Variants in GNAZ observed in about 807,000 individuals in gnomAD.
GNAZ encodes the protein G protein subunit alpha z.
Under a neutral mutation model 25.4 loss-of-function variants are expected in GNAZ, and 3 were observed. That is an observed-to-expected ratio of 0.12 (90% confidence interval 0.05 to 0.30). The LOEUF (loss-of-function observed/expected upper bound fraction) is 0.30. Ranked by LOEUF, GNAZ falls within the 10% of genes least tolerant of loss-of-function variation. The pLI, the probability that GNAZ is intolerant of heterozygous loss-of-function variation, is 1.00. For synonymous variants in GNAZ, 211 were observed against 205.7 expected (o/e 1.03, Z -0.22); for missense variants, 241 against 501.8 (o/e 0.48, Z 4.97).
intron 2 of GNAZ, among the ~76,000 whole-genome samples, chr22:23,101,518 T>TG (rs2069303310): frequency 6.6e-6 from 1 of 152,178 alleles, no homozygotes; most frequent in Non-Finnish European, 1.5e-5. Context: ...GCCTAGTCAG[T>TG]GGCAGGACCA....
intron 1 of GNAZ, among the ~76,000 whole-genome samples, chr22:23,093,305 G>A (rs1235339541): frequency 6.6e-6 from 1 of 152,160 alleles, no homozygotes; most frequent in African/African-American, 2.4e-5. Flanking sequence ...GTGGCTGCCT[G>A]GTGAAGCGGG....
At chr22:23,119,729 C>T (rs2069957229) in intron 2 of GNAZ, among the ~76,000 whole-genome samples, 1 of 152,224 alleles carries the variant, frequency 6.6e-6, no homozygotes. Flanking sequence ...GCTTCCCACG[C>T]TCTGAAGCTT....
chr22:23,111,020 C>T (rs905966803), intron 2 of GNAZ, among the ~76,000 whole-genome samples: 17 of 152,316 alleles, frequency 1.1e-4, no homozygotes, highest in Non-Finnish European at 2.2e-4. Flanking sequence ...AGAGCCACTT[C>T]GAATGAGGGG....
chr22:23,078,356 C>T (rs780426577), intron 1 of GNAZ, among the ~76,000 whole-genome samples: 39 of 152,338 alleles, frequency 2.6e-4, no homozygotes, highest in Non-Finnish European at 4.9e-4. Context: ...GATAACACCA[C>T]GCACGCAAGC....
At chr22:23,078,252 C>A (rs2068561783) in intron 1 of GNAZ, among the ~76,000 whole-genome samples, 1 of 152,242 alleles carries the variant, frequency 6.6e-6, no homozygotes, top group Non-Finnish European at 1.5e-5. Flanking sequence ...CTCCATTATC[C>A]AATTTCGGAT....
At chr22:23,112,761 G>A (rs967846591) in intron 2 of GNAZ, among the ~76,000 whole-genome samples, 4 of 152,118 alleles carry the variant, frequency 2.6e-5, no homozygotes, top group Non-Finnish European at 2.9e-5. Flanking sequence ...AGCCAGAGAC[G>A]GACACCAAGG....
At chr22:23,108,826 C>A (rs901106943) in intron 2 of GNAZ, among the ~76,000 whole-genome samples, 1 of 152,262 alleles carries the variant, frequency 6.6e-6, no homozygotes, top group African/African-American at 2.4e-5. Context: ...CCTCTGCCTG[C>A]TGGAGAGGTG....
chr22:23,076,430 C>T (rs762087592), intron 1 of GNAZ, among the ~76,000 whole-genome samples: 5 of 152,156 alleles, frequency 3.3e-5, no homozygotes, highest in East Asian at 1.9e-4. Context: ...TGTGCTCGTG[C>T]GCTGCAGAAC....
rs1223227824 is a variant in GNAZ at position 23,088,085 on chromosome 22, C to T, written c.-449-7162C>T. 2.0e-5 allele frequency among the ~76,000 whole-genome samples: 3 copies of T among 152,208 alleles called. No individual in the cohort carries two copies. In the East Asian group the frequency reaches 5.8e-4, roughly 29 times the overall value. ...TACACCCAGGAATGAACAAGGACAA[C>T]TTGGAAGTTAGAAGCAAGATGGAGT... On this transcript the variant is annotated intron_variant, in intron 1 of 2. Transcript: ENST00000615612.
chr22:23,123,275 C>A lies in GNAZ; in HGVS notation c.912C>A (p.Ile304=). 1 of 1,613,918 alleles carries A rather than the reference C, an allele frequency of 6.2e-7. No individual in the cohort carries two copies. ...QNTYEEAAVY[I]QRQFEDLNRN... Reference sequence around the variant, plus strand: ...CGTACGAGGAGGCCGCTGTCTACATCCAGCGGCAGTTTGAAGACCTGAACC... The same window carrying A: ...CGTACGAGGAGGCCGCTGTCTACATACAGCGGCAGTTTGAAGACCTGAACC... Residue 304 remains isoleucine (I), a synonymous_variant, in exon 3 of 3, where the codon ATC becomes ATA. Transcript: ENST00000615612.
chr22:23,095,267 T>G lies in GNAZ; in HGVS notation c.-429T>G, dbSNP rs146934131. 5.2e-6 allele frequency: 1 copy of G among 193,338 alleles called. No individual in the cohort carries two copies. Among genetic ancestry groups the G allele is most frequent in the Admixed American group, 5.5e-5 (1 of 18,192 alleles). The allele number at this position is 193,338 out of a possible 1,614,324, so 12.0% of individuals were successfully genotyped here. ...GGCAGGTGAAGGGCTGGATGCACAG[T>G]GGGAGCCGGAGGCGGGGGGCTGCAG... On this transcript the variant is annotated 5_prime_UTR_variant, in exon 2 of 3. Transcript: ENST00000615612.
intron 2 of GNAZ, among the ~76,000 whole-genome samples, chr22:23,114,928 G>A (rs1371127860): frequency 6.6e-6 from 1 of 152,192 alleles, no homozygotes; most frequent in Non-Finnish European, 1.5e-5. Context: ...GGGCAGTGGG[G>A]ACTGCCATGA....
Position 23,123,260 on chromosome 22 carries a change from G to A in GNAZ, c.897G>A (p.Glu299=), listed in dbSNP as rs755121439. The change falls in exon 3 of 3, where the codon GAG becomes GAA. Residue 299 remains glutamate (E), a synonymous_variant. Coordinates refer to ENST00000615612, the MANE Select transcript of GNAZ (RefSeq NM_002073.4). ...PEYKGQNTYE[E]AAVYIQRQFE... ...ACAAGGGCCAGAACACGTACGAGGA[G>A]GCCGCTGTCTACATCCAGCGGCAGT... The A allele has an allele frequency of 6.2e-7, 1 of 1,614,102 alleles. No homozygotes were observed. The highest frequency in any genetic ancestry group is 1.1e-5 in the South Asian group (1 of 91,074).
At chr22:23,075,903 G>A (rs1024886700) in intron 1 of GNAZ, among the ~76,000 whole-genome samples, 8 of 150,984 alleles carry the variant, frequency 5.3e-5, no homozygotes, top group Non-Finnish European at 1.0e-4. Flanking sequence ...CCCCTGTGAG[G>A]TCTGCTCCTT....
intron 1 of GNAZ, among the ~76,000 whole-genome samples, chr22:23,094,628 C>T (rs988161361): frequency 2.0e-5 from 3 of 152,228 alleles, no homozygotes; most frequent in African/African-American, 7.2e-5. Flanking sequence ...TGTGCTTAGG[C>T]ACCTCACGGT....
chr22:23,080,941 C>T (rs1197016487), intron 1 of GNAZ, among the ~76,000 whole-genome samples: 1 of 152,240 alleles, frequency 6.6e-6, no homozygotes, highest in Admixed American at 6.5e-5. Context: ...GGGCAGCGGG[C>T]ACTCTCTAGA....
chr22:23,087,006 G>A (rs555707059), intron 1 of GNAZ, among the ~76,000 whole-genome samples: 5 of 152,356 alleles, frequency 3.3e-5, no homozygotes, highest in South Asian at 4.1e-4. Flanking sequence ...TAAGTCGGGC[G>A]TAAAAGGGCA....
chr22:23,110,201 C>T (rs1485958385), intron 2 of GNAZ, among the ~76,000 whole-genome samples: 1 of 152,060 alleles, frequency 6.6e-6, no homozygotes, highest in Non-Finnish European at 1.5e-5. Context: ...GGCAAAGGGG[C>T]CTAGGCAAGC....
At chr22:23,078,106 C>T (rs887146869) in intron 1 of GNAZ, among the ~76,000 whole-genome samples, 6 of 152,204 alleles carry the variant, frequency 3.9e-5, no homozygotes, top group African/African-American at 9.7e-5. Context: ...CTGGTGAGGG[C>T]GGGTGCGGGT....
Sources: gnomAD v4.1 joint callset for allele counts (sites outside exome capture counted in the v4.1 genomes callset) on GRCh38, gnomAD v4.1.1 for gene constraint, MANE v1.5 for transcripts, NCBI Gene and HGNC (gene_info 2026-07-23, HGNC 2026-07-21) for gene names.